CPEB3: variants seen among roughly 807,000 people sequenced by gnomAD.
CPEB3 encodes the protein cytoplasmic polyadenylation element-binding protein 3.
CPEB3 carries 20 observed loss-of-function variants against 67.2 expected under a neutral mutation model. The observed-to-expected ratio is 0.30, with a 90% confidence interval of 0.21 to 0.43. The LOEUF (loss-of-function observed/expected upper bound fraction) is 0.43, where lower values mean the gene tolerates loss of function less well. Among genes scored for constraint, CPEB3 ranks in the 20% least tolerant of loss-of-function variants. The pLI is 1.00. For missense variants in CPEB3, 746 were observed against 968.6 expected (o/e 0.77, Z 3.05); for synonymous variants, 376 against 393.1 (o/e 0.96, Z 0.51).
chr10:92,134,365 T>C (rs1281602722), intron 6 of CPEB3, among the ~76,000 whole-genome samples: 1 of 151,920 alleles, frequency 6.6e-6, no homozygotes, highest in East Asian at 1.9e-4. Flanking sequence ...CGTTCCTATA[T>C]ACCAATATCA....
chr10:92,062,762 C>G (rs547386341), intron 9 of CPEB3, among the ~76,000 whole-genome samples: 4 of 152,316 alleles, frequency 2.6e-5, no homozygotes, highest in Non-Finnish European at 4.4e-5. Context: ...CCTGGAATAT[C>G]ATTAACCTAT....
intron 2 of CPEB3, among the ~76,000 whole-genome samples, chr10:92,209,856 G>C (rs1006485895): frequency 6.7e-6 from 1 of 148,796 alleles, no homozygotes; most frequent in Non-Finnish European, 1.5e-5. Flanking sequence ...AGAATCACTT[G>C]TACCCGAGAG....
intron 7 of CPEB3, among the ~76,000 whole-genome samples, chr10:92,107,657 C>T (rs1007596793): frequency 6.6e-6 from 1 of 152,068 alleles, no homozygotes; most frequent in Non-Finnish European, 1.5e-5. Context: ...CACATGGACA[C>T]AGCTGTCTTC....
chr10:92,220,730 T>A (rs530975852), intron 2 of CPEB3, among the ~76,000 whole-genome samples: 56 of 152,326 alleles, frequency 3.7e-4, no homozygotes, highest in African/African-American at 1.3e-3. Context: ...ATGTTAAACA[T>A]CTTAAACAAA....
At chr10:92,258,677 T>TATAC (rs1852650332) in intron 1 of CPEB3, among the ~76,000 whole-genome samples, 1 of 129,446 alleles carries the variant, frequency 7.7e-6, no homozygotes, top group Non-Finnish European at 1.6e-5. Context: ...TATATATATA[T>TATAC]ATTTCATGTA....
intron 1 of CPEB3, among the ~76,000 whole-genome samples, chr10:92,279,551 C>T (rs188816655): frequency 6.6e-6 from 1 of 152,160 alleles, no homozygotes; most frequent in African/African-American, 2.4e-5. Flanking sequence ...TTTATTCCTT[C>T]CAACAGAAGA....
intron 7 of CPEB3, among the ~76,000 whole-genome samples, chr10:92,104,553 AT>A (rs1192701203): frequency 4.0e-5 from 6 of 151,628 alleles, no homozygotes; most frequent in East Asian, 2.0e-4. Flanking sequence ...CGCCCAGCTA[AT>A]TTTTTTGTAT....
chr10:92,091,462 T>TA (rs539990313), intron 8 of CPEB3, among the ~76,000 whole-genome samples: 54 of 145,488 alleles, frequency 3.7e-4, no homozygotes, highest in Admixed American at 4.1e-4. Context: ...GAAAGGAACT[T>TA]AAAAAAAAAA....
At chr10:92,073,673 C>T (rs1208256791) in intron 9 of CPEB3, among the ~76,000 whole-genome samples, 1 of 151,754 alleles carries the variant, frequency 6.6e-6, no homozygotes, top group Non-Finnish European at 1.5e-5. Context: ...GTCTTGAACA[C>T]CTGGCCTCAA....
At chr10:92,109,212 A>G (rs1387610791) in intron 7 of CPEB3, among the ~76,000 whole-genome samples, 1 of 151,900 alleles carries the variant, frequency 6.6e-6, no homozygotes, top group Non-Finnish European at 1.5e-5. Context: ...CTGGAGGTTG[A>G]GAATTTACCT....
At chr10:92,080,678 C>G (rs951292872) in intron 9 of CPEB3, among the ~76,000 whole-genome samples, 12 of 152,036 alleles carry the variant, frequency 7.9e-5, no homozygotes, top group African/African-American at 2.9e-4. Context: ...ACTCCAAGCT[C>G]CACCTCCCAG....
chr10:92,166,016 A>G (rs934071671), intron 4 of CPEB3, among the ~76,000 whole-genome samples: 2 of 152,230 alleles, frequency 1.3e-5, no homozygotes, highest in Non-Finnish European at 2.9e-5. Flanking sequence ...CATCTAAAAT[A>G]AAGAATCCTT....
intron 2 of CPEB3, among the ~76,000 whole-genome samples, chr10:92,198,550 G>A (rs1849350399): frequency 6.6e-6 from 1 of 152,166 alleles, no homozygotes; most frequent in Non-Finnish European, 1.5e-5. Context: ...CTTATACCTA[G>A]ACATTTCCTC....
chr10:92,190,852 A>T (rs1848946443), intron 3 of CPEB3, among the ~76,000 whole-genome samples: 1 of 152,072 alleles, frequency 6.6e-6, no homozygotes. Flanking sequence ...CTCACTGTTA[A>T]TTTACCTTAA....
At position 92,081,300 on chromosome 10, in the gene CPEB3, C is replaced by T. The variant is rs1219990565; in HGVS notation, c.1869+20G>A. The T allele has an allele frequency of 1.2e-6, 2 of 1,614,038 alleles. No homozygotes were observed. The highest frequency in any genetic ancestry group is 1.1e-5 in the South Asian group (1 of 91,064). On this transcript the variant is annotated intron_variant, in intron 9 of 9. Transcript: ENST00000265997. Reference sequence around the variant, plus strand: ...CTTCTTTTCTCTCCCATAGCAGTTTCACCCTAAGTAGGTGCTTACCCGTTT... The same window carrying T: ...CTTCTTTTCTCTCCCATAGCAGTTTTACCCTAAGTAGGTGCTTACCCGTTT...
chr10:92,238,352 C>T (rs1341874912), intron 2 of CPEB3, among the ~76,000 whole-genome samples: 1 of 152,166 alleles, frequency 6.6e-6, no homozygotes, highest in Non-Finnish European at 1.5e-5. Flanking sequence ...GATCAGAAAG[C>T]AAGAACAGAA....
At chr10:92,139,349 C>T (rs1233212545) in intron 6 of CPEB3, among the ~76,000 whole-genome samples, 1 of 149,140 alleles carries the variant, frequency 6.7e-6, no homozygotes, top group Non-Finnish European at 1.5e-5. Context: ...TATTCAGCCA[C>T]GAAAAAAAAG....
chr10:92,240,716 AT>A (rs1197320173), intron 1 of CPEB3, among the ~76,000 whole-genome samples: 1 of 151,966 alleles, frequency 6.6e-6, no homozygotes, highest in East Asian at 1.9e-4. Context: ...TGAGAAACTG[AT>A]TCTGGTTCCT....
intron 4 of CPEB3, among the ~76,000 whole-genome samples, chr10:92,175,645 C>T (rs928346840): frequency 1.3e-5 from 2 of 152,242 alleles, no homozygotes; most frequent in African/African-American, 4.8e-5. Context: ...AGACAGTGCA[C>T]ATTTGCATGT....
Sources: allele counts gnomAD v4.1 joint callset (sites outside exome capture counted in the v4.1 genomes callset), GRCh38; gene constraint gnomAD v4.1.1; transcripts MANE v1.5; gene names NCBI Gene and HGNC (gene_info 2026-07-23, HGNC 2026-07-21).